The following PDZD8 variants were observed in gnomAD, a reference collection of about 807,000 sequenced individuals.
The protein encoded by PDZD8 is PDZ domain-containing protein 8.
A neutral mutation model predicts 85.8 loss-of-function variants in PDZD8; 14 were observed. The ratio of observed to expected loss-of-function variants is 0.16; its 90% CI spans 0.11 to 0.26. The LOEUF is 0.26. Among genes scored for constraint, PDZD8 ranks in the 10% least tolerant of loss-of-function variants. The pLI, the probability that PDZD8 is intolerant of heterozygous loss-of-function variation, is 1.00. For missense variants in PDZD8, 1,197 were observed against 1,424.3 expected (o/e 0.84, Z 2.57); for synonymous variants, 592 against 568.6 (o/e 1.04, Z -0.59).
At chr10:117,350,052 A>G (rs567273039) in intron 1 of PDZD8, among the ~76,000 whole-genome samples, 1 of 152,256 alleles carries the variant, frequency 6.6e-6, no homozygotes, top group South Asian at 2.1e-4. Context: ...CACTTATTAC[A>G]TACTTAGCAT....
chr10:117,302,610 T>C (rs903866463), intron 3 of PDZD8, among the ~76,000 whole-genome samples: 1 of 152,170 alleles, frequency 6.6e-6, no homozygotes, highest in Non-Finnish European at 1.5e-5. Context: ...TGACAAAAAT[T>C]ATATATGCAG....
chr10:117,356,854 G>A (rs1242088046), intron 1 of PDZD8, among the ~76,000 whole-genome samples: 1 of 152,072 alleles, frequency 6.6e-6, no homozygotes, highest in Admixed American at 6.6e-5. Flanking sequence ...CCTCCTCAAA[G>A]GCTTTGGAGT....
intron 1 of PDZD8, among the ~76,000 whole-genome samples, chr10:117,354,687 C>T (rs750616000): frequency 1.3e-5 from 2 of 152,148 alleles, no homozygotes; most frequent in Admixed American, 1.3e-4. Context: ...GAGAGTAGAA[C>T]GAGCAGCTAT....
At chr10:117,336,721 T>C (rs912742871) in intron 2 of PDZD8, among the ~76,000 whole-genome samples, 3 of 151,518 alleles carry the variant, frequency 2.0e-5, no homozygotes, top group Admixed American at 1.3e-4. Flanking sequence ...TCTGAGACAA[T>C]TTAGACACCA....
In PDZD8 at chr10:117,277,560, T is replaced by C. The variant is rs14240; in HGVS notation, c.*5708A>G. On this transcript the variant is annotated 3_prime_UTR_variant, in exon 5 of 5. Coordinates refer to ENST00000334464, the MANE Select transcript of PDZD8 (RefSeq NM_173791.5). ...TAGGTATTGTGTAAATCTATAAATA[T>C]TTGAATCCAAACCAAATATAATTTT... 0.47 allele frequency: 81,876 copies of C among 174,540 alleles called. 20,079 individuals are homozygous for C. Among genetic ancestry groups the C allele is most frequent in the East Asian group, 0.55 (3,795 of 6,856 alleles). The allele number at this position is 174,540 out of a possible 1,614,324, so 10.8% of individuals were successfully genotyped here. A position where few individuals can be genotyped will look rare whatever the true frequency, so the allele number is the denominator to read the frequency against.
At chr10:117,362,952 C>A (rs1845023092) in intron 1 of PDZD8, among the ~76,000 whole-genome samples, 2 of 151,986 alleles carry the variant, frequency 1.3e-5, no homozygotes, top group South Asian at 4.1e-4. Flanking sequence ...CGATTAAAAT[C>A]CAAAGAATTA....
chr10:117,368,420 T>G (rs1845127199), intron 1 of PDZD8, among the ~76,000 whole-genome samples: 1 of 152,230 alleles, frequency 6.6e-6, no homozygotes, highest in South Asian at 2.1e-4. Context: ...TCAACATTAG[T>G]AAGTAAAACT....
At chr10:117,373,026 G>T (rs972926333) in intron 1 of PDZD8, among the ~76,000 whole-genome samples, 4 of 151,912 alleles carry the variant, frequency 2.6e-5, no homozygotes, top group Non-Finnish European at 4.4e-5. Context: ...TATAATAAAG[G>T]GCAAAATTTT....
At chr10:117,332,956 T>A (rs2133833037) in intron 2 of PDZD8, among the ~76,000 whole-genome samples, 1 of 150,996 alleles carries the variant, frequency 6.6e-6, no homozygotes, top group Non-Finnish European at 1.5e-5. Context: ...CCGTCTCTAC[T>A]AAAAATACAA....
rs183195015 is a variant in PDZD8 at position 117,364,732 on chromosome 10, G to A, written c.872+9624C>T. Among the ~76,000 whole-genome samples the A allele has an allele frequency of 5.5e-3, 835 of 152,180 alleles. 6 individuals carry two copies. The highest frequency in any genetic ancestry group is 6.7e-3 in the Non-Finnish European group (455 of 67,986). On this transcript the variant is annotated intron_variant, in intron 1 of 4. Coordinates refer to ENST00000334464, the MANE Select transcript of PDZD8 (RefSeq NM_173791.5). Reference sequence around the variant, plus strand: ...ATGAACAGATTAAGTGAGAAGTGGTGACGAAAGATAAGGTCAGAGGCAGAG... The same window carrying A: ...ATGAACAGATTAAGTGAGAAGTGGTAACGAAAGATAAGGTCAGAGGCAGAG...
At position 117,277,312 on chromosome 10, in the gene PDZD8, G is replaced by C; in HGVS notation, c.*5956C>G. On this transcript the variant is annotated 3_prime_UTR_variant, in exon 5 of 5. Transcript: ENST00000334464. ...TCAAAGTGTTTAATTGTATAAAACA[G>C]TGTTTCCAGTGACACAACTCATCCA... The C allele has an allele frequency of 5.1e-6, 6 of 1,185,322 alleles. No homozygotes were observed. The highest frequency in any genetic ancestry group is 7.4e-6 in the Non-Finnish European group (6 of 808,480). 73.4% of individuals were successfully genotyped at this position (1,185,322 alleles called of 1,614,324 possible).
At chr10:117,290,377 T>G (rs962433170) in intron 3 of PDZD8, 29 bp from the exon 4 acceptor site, 14 of 1,537,778 alleles carry the variant, frequency 9.1e-6, no homozygotes, top group African/African-American at 6.9e-5. Context: ...AAATGAAAAC[T>G]GATTCAATGG....
At chr10:117,318,849 A>G (rs777228262) in intron 3 of PDZD8, 23 bp downstream of exon 3, 1 of 1,473,316 alleles carries the variant, frequency 6.8e-7, no homozygotes, top group East Asian at 2.3e-5. Context: ...ATATAGATAT[A>G]AATCACTGTA....
In PDZD8 at chr10:117,330,020, G is replaced by GGGAT. The variant is rs1474553629; in HGVS notation, c.995+10959_995+10960insATCC. The stretch of plus-strand genomic sequence containing the variant: ...AGGAAGGGAGGGAGGGAGGGAGGGA[G>GGGAT]GGAGGGAAGGAGGGAGGGAGGGAGG... On this transcript the variant is annotated intron_variant, in intron 2 of 4. Transcript: ENST00000334464. 3.7e-3 allele frequency among the ~76,000 whole-genome samples: 226 copies of GGGAT among 61,098 alleles called. 4 individuals carry two copies. The highest frequency in any genetic ancestry group is 5.9e-3 in the Admixed American group (27 of 4,606). The allele number at this position is 61,098 out of a possible 152,430, so 40.1% of individuals were successfully genotyped here.
intron 1 of PDZD8, among the ~76,000 whole-genome samples, chr10:117,342,812 A>C (rs768244532): frequency 3.3e-5 from 5 of 152,140 alleles, no homozygotes; most frequent in Non-Finnish European, 5.9e-5. Context: ...TTCTAATCAT[A>C]TATTCTCTTA....
intron 1 of PDZD8, among the ~76,000 whole-genome samples, chr10:117,350,798 G>A (rs1028640151): frequency 6.6e-6 from 1 of 150,398 alleles, no homozygotes; most frequent in Non-Finnish European, 1.5e-5. Flanking sequence ...CTGCTACTCA[G>A]GAGGCTGAGG....
intron 2 of PDZD8, among the ~76,000 whole-genome samples, chr10:117,320,099 G>C (rs1844203530): frequency 6.6e-6 from 1 of 151,978 alleles, no homozygotes; most frequent in Non-Finnish European, 1.5e-5. Flanking sequence ...AAAATTCTAA[G>C]CTCTAAACAA....
intron 2 of PDZD8, among the ~76,000 whole-genome samples, chr10:117,334,882 C>T (rs1004414414): frequency 6.6e-6 from 1 of 151,614 alleles, no homozygotes; most frequent in Non-Finnish European, 1.5e-5. Context: ...GCAAACAAAC[C>T]AAACCTCAGG....
At chr10:117,351,651 G>T (rs1844807733) in intron 1 of PDZD8, among the ~76,000 whole-genome samples, 1 of 152,040 alleles carries the variant, frequency 6.6e-6, no homozygotes, top group South Asian at 2.1e-4. Context: ...TTTTCAGGTG[G>T]TGAGTTATAT....
Sources: allele counts gnomAD v4.1 joint callset (sites outside exome capture counted in the v4.1 genomes callset), GRCh38; gene constraint gnomAD v4.1.1; transcripts MANE v1.5; gene names NCBI Gene and HGNC (gene_info 2026-07-23, HGNC 2026-07-21).